The following ANO3 variants were observed in gnomAD, a reference collection of about 807,000 sequenced individuals.
ANO3 encodes the protein anoctamin 3, also known as anoctamin-3.
In ANO3, 99 loss-of-function variants were observed where a neutral mutation model predicts 144.8. The ratio of observed to expected loss-of-function variants is 0.68; its 90% CI spans 0.58 to 0.81. The LOEUF is 0.81. Among genes scored for constraint, ANO3 ranks in the 30% least tolerant of loss-of-function variants. The pLI, the probability that ANO3 is intolerant of heterozygous loss-of-function variation, is 0.00. For synonymous variants in ANO3, 414 were observed against 392.6 expected (o/e 1.05, Z -0.64); for missense variants, 905 against 1,202.2 (o/e 0.75, Z 3.66).
intron 17 of ANO3, among the ~76,000 whole-genome samples, chr11:26,616,163 T>C (rs1030590990): frequency 2.0e-5 from 3 of 152,162 alleles, no homozygotes; most frequent in African/African-American, 7.2e-5. Context: ...AATCAGTACA[T>C]TGATATTATA....
chr11:26,597,975 G>A (rs2132923296), intron 14 of ANO3, among the ~76,000 whole-genome samples: 2 of 152,298 alleles, frequency 1.3e-5, no homozygotes, highest in Non-Finnish European at 2.9e-5. Flanking sequence ...CTCTCTGTAA[G>A]CTCTGGACGA....
At chr11:26,453,738 C>T (rs962447166) in intron 3 of ANO3, among the ~76,000 whole-genome samples, 8 of 152,158 alleles carry the variant, frequency 5.3e-5, no homozygotes, top group African/African-American at 1.9e-4. Flanking sequence ...ACCTAATAGA[C>T]ATCTACAGAA....
chr11:26,357,081 G>T (rs1268370654), intron 1 of ANO3, among the ~76,000 whole-genome samples: 1 of 152,142 alleles, frequency 6.6e-6, no homozygotes, highest in Non-Finnish European at 1.5e-5. Flanking sequence ...GGATTATTCA[G>T]CCTACAAATA....
At chr11:26,277,083 G>T (rs1367863807) in intron 1 of ANO3, among the ~76,000 whole-genome samples, 1 of 152,050 alleles carries the variant, frequency 6.6e-6, no homozygotes, top group African/African-American at 2.4e-5. Context: ...CTTGGGGGCA[G>T]GGGTAATTTA....
intron 14 of ANO3, chr11:26,565,677 TTTTC>T: frequency 6.2e-7 from 1 of 1,613,404 alleles, no homozygotes; most frequent in Non-Finnish European, 8.5e-7. Context: ...GGTGGTTATA[TTTTC>T]TTTATCTGAG....
chr11:26,520,999 T>C (rs1332674681), intron 6 of ANO3, among the ~76,000 whole-genome samples: 2 of 151,306 alleles, frequency 1.3e-5, no homozygotes, highest in African/African-American at 2.4e-5. Flanking sequence ...TGGAGTTCTT[T>C]TGGAAGATCT....
intron 19 of ANO3, among the ~76,000 whole-genome samples, chr11:26,634,524 G>A (rs977529200): frequency 2.6e-5 from 4 of 152,110 alleles, no homozygotes; most frequent in Admixed American, 1.3e-4. Context: ...AAGAATTTTT[G>A]TGTGACCTTG....
At chr11:26,534,045 T>C (rs1168614773) in intron 8 of ANO3, among the ~76,000 whole-genome samples, 1 of 152,174 alleles carries the variant, frequency 6.6e-6, no homozygotes, top group East Asian at 1.9e-4. Context: ...TAATAGAGCA[T>C]CAAGGGAAAG....
At chr11:26,248,442 G>T (rs1440244704) in intron 1 of ANO3, among the ~76,000 whole-genome samples, 9 of 152,134 alleles carry the variant, frequency 5.9e-5, no homozygotes. Context: ...TAATGAGAGG[G>T]TTATCATATA....
intron 1 of ANO3, among the ~76,000 whole-genome samples, chr11:26,225,312 T>C (rs1852235110): frequency 6.8e-6 from 1 of 146,768 alleles, no homozygotes; most frequent in Non-Finnish European, 1.5e-5. Context: ...AGATTATAAA[T>C]ATAATATTAA....
At chr11:26,314,200 G>A (rs533059298) in intron 1 of ANO3, among the ~76,000 whole-genome samples, 4 of 151,816 alleles carry the variant, frequency 2.6e-5, no homozygotes, top group African/African-American at 9.7e-5. Context: ...TGAGAAGAGG[G>A]GTTATAGAGC....
intron 1 of ANO3, among the ~76,000 whole-genome samples, chr11:26,385,824 T>TACACACACAC (rs71047847): frequency 6.5e-5 from 9 of 137,910 alleles, no homozygotes; most frequent in African/African-American, 2.6e-4. Flanking sequence ...TTCACACACA[T>TACACACACAC]ACACACACAC....
intron 18 of ANO3, among the ~76,000 whole-genome samples, chr11:26,625,756 G>T (rs1200200992): frequency 6.6e-6 from 1 of 151,920 alleles, no homozygotes; most frequent in African/African-American, 2.4e-5. Flanking sequence ...AAACTAGATG[G>T]GTTATTTTCT....
At position 26,559,076 on chromosome 11, in the gene ANO3, A is replaced by C. The variant is rs578126339; in HGVS notation, c.1387-643A>C. 5 of 152,362 alleles carry C rather than the reference A, an allele frequency of 3.3e-5. No individual in the cohort carries two copies. The South Asian group carries it at 6.2e-4, about 19-fold the overall frequency. 9.4% of individuals were successfully genotyped at this position (152,362 alleles called of 1,614,324 possible). A position where few individuals can be genotyped will look rare whatever the true frequency, so the allele number is the denominator to read the frequency against. On this transcript the variant is annotated intron_variant, in intron 13 of 26. Coordinates refer to ENST00000256737, the MANE Select transcript of ANO3 (RefSeq NM_031418.4). Reference sequence around the variant, plus strand: ...ATTAAAATCAAACAATACAAGCCTTAAAATTTGATTCAATAACATTATAAA... The same window carrying C: ...ATTAAAATCAAACAATACAAGCCTTCAAATTTGATTCAATAACATTATAAA...
At chr11:26,340,217 A>C (rs796151398) in intron 1 of ANO3, among the ~76,000 whole-genome samples, 2 of 152,338 alleles carry the variant, frequency 1.3e-5, no homozygotes, top group African/African-American at 4.8e-5. Context: ...GTCAAATGCT[A>C]TTACTTTCAG....
At chr11:26,211,476 G>C (rs1488005018) in intron 1 of ANO3, among the ~76,000 whole-genome samples, 1 of 152,072 alleles carries the variant, frequency 6.6e-6, no homozygotes, top group Non-Finnish European at 1.5e-5. Flanking sequence ...CATGATTACT[G>C]ATCACTACAG....
intron 7 of ANO3, among the ~76,000 whole-genome samples, chr11:26,528,834 C>T (rs1475709824): frequency 2.0e-5 from 3 of 151,666 alleles, no homozygotes; most frequent in Non-Finnish European, 4.4e-5. Context: ...CATGTCTATA[C>T]ATCAACCTCT....
intron 1 of ANO3, among the ~76,000 whole-genome samples, chr11:26,224,751 T>C (rs1346935437): frequency 6.6e-6 from 1 of 152,226 alleles, no homozygotes; most frequent in Admixed American, 6.5e-5. Context: ...GTAAGGCAAG[T>C]AGAATCTCCA....
intron 1 of ANO3, among the ~76,000 whole-genome samples, chr11:26,368,954 T>A (rs1289521290): frequency 6.6e-6 from 1 of 152,160 alleles, no homozygotes; most frequent in African/African-American, 2.4e-5. Context: ...TATCAACTAT[T>A]CATTATACTT....
Sources: gnomAD v4.1 joint callset for allele counts (sites outside exome capture counted in the v4.1 genomes callset) on GRCh38, gnomAD v4.1.1 for gene constraint, MANE v1.5 for transcripts, NCBI Gene and HGNC (gene_info 2026-07-23, HGNC 2026-07-21) for gene names.